Variants in KDM3B observed in about 807,000 individuals in gnomAD.
KDM3B encodes the protein lysine demethylase 3B, also known as lysine-specific demethylase 3B.
In KDM3B, 10 loss-of-function variants were observed where a neutral mutation model predicts 170.0. That is an observed-to-expected ratio of 0.06 (90% confidence interval 0.04 to 0.10). The LOEUF (loss-of-function observed/expected upper bound fraction) is 0.10. Ranked by LOEUF, KDM3B falls within the 10% of genes least tolerant of loss-of-function variation. The probability of loss-of-function intolerance (pLI) is 1.00; values close to 1 mark genes in which losing one functional copy is unlikely to be tolerated. For missense variants in KDM3B, 1,394 were observed against 2,195.2 expected (o/e 0.64, Z 7.29); for synonymous variants, 831 against 834.8 (o/e 1.00, Z 0.08).
At chr5:138,387,911 C>T (rs1245472339) in intron 7 of KDM3B, among the ~76,000 whole-genome samples, 1 of 152,042 alleles carries the variant, frequency 6.6e-6, no homozygotes, top group Non-Finnish European at 1.5e-5. Flanking sequence ...GAAACCCCAT[C>T]TCTACTAAAA....
At chr5:138,359,037 T>C (rs1172262642) in intron 1 of KDM3B, among the ~76,000 whole-genome samples, 3 of 150,544 alleles carry the variant, frequency 2.0e-5, no homozygotes, top group Non-Finnish European at 3.0e-5. Flanking sequence ...AGTGAGAATA[T>C]GCGGTGTTTG....
At chr5:138,406,981 ATT>A (rs745918786) in intron 11 of KDM3B, among the ~76,000 whole-genome samples, 1,537 of 118,994 alleles carry the variant, frequency 0.013, 5 homozygotes, top group African/African-American at 0.025. Context: ...TATGCCAATA[ATT>A]TTTTTTTTTT....
At chr5:138,406,589 G>A (rs989470103) in intron 11 of KDM3B, among the ~76,000 whole-genome samples, 14 of 152,136 alleles carry the variant, frequency 9.2e-5, no homozygotes, top group African/African-American at 3.1e-4. Context: ...AGTGAGCTGA[G>A]GTCGCGACAT....
intron 6 of KDM3B, among the ~76,000 whole-genome samples, chr5:138,382,292 CA>C (rs112241518): frequency 4.0e-4 from 58 of 143,650 alleles, no homozygotes; most frequent in Admixed American, 5.6e-4. Context: ...TACAAAAATA[CA>C]AAAAAAAAAA....
At chr5:138,399,554 A>T (rs186946438) in intron 10 of KDM3B, among the ~76,000 whole-genome samples, 357 of 151,932 alleles carry the variant, frequency 2.3e-3, no homozygotes, top group African/African-American at 8.1e-3. Context: ...ATATATATAT[A>T]TATTTTTTTA....
chr5:138,380,865 G>C lies in KDM3B; in HGVS notation c.706-651G>C, dbSNP rs191623249. Among the ~76,000 whole-genome samples, 1,151 of 151,286 alleles carry C rather than the reference G, an allele frequency of 7.6e-3. 13 individuals carry two copies. The highest frequency in any genetic ancestry group is 7.7e-3 in the Non-Finnish European group (521 of 67,778). On this transcript the variant is annotated intron_variant, in intron 5 of 23. Coordinates refer to ENST00000314358, the MANE Select transcript of KDM3B (RefSeq NM_016604.4). ...GGCATGATCCACCATGCCCAGCCTGGAGTGATTTTTTTTTTTTTTTCTTTT... is the reference window on the plus strand; with the variant it reads ...GGCATGATCCACCATGCCCAGCCTGCAGTGATTTTTTTTTTTTTTTCTTTT...
At chr5:138,378,874 A>G (rs1762061988) in intron 4 of KDM3B, among the ~76,000 whole-genome samples, 1 of 151,446 alleles carries the variant, frequency 6.6e-6, no homozygotes, top group African/African-American at 2.4e-5. Flanking sequence ...GCTCTGATAG[A>G]GAATAATCTA....
intron 17 of KDM3B, chr5:138,425,895 A>G (rs1763379465): frequency 1.1e-5 from 2 of 187,388 alleles, no homozygotes; most frequent in African/African-American, 2.3e-5. Context: ...AATCCCAGCT[A>G]CTCAGGAGGC....
chr5:138,426,729 A>G lies in KDM3B; in HGVS notation c.4412-246A>G, dbSNP rs138637547. On this transcript the variant is annotated intron_variant, in intron 17 of 23. Coordinates refer to ENST00000314358, the MANE Select transcript of KDM3B (RefSeq NM_016604.4). ...AACATGGCAAAACCCCGTCTCTACT[A>G]AAAATACAAAAATTAGCCAGGCGTG... 3,656 of 398,122 alleles carry G rather than the reference A, an allele frequency of 9.2e-3. 168 individuals are homozygous for G. In the East Asian group the frequency reaches 0.12, roughly 14 times the overall value. The allele number at this position is 398,122 out of a possible 1,614,324, so 24.7% of individuals were successfully genotyped here.
At chr5:138,372,016 G>A (rs959497902) in intron 1 of KDM3B, among the ~76,000 whole-genome samples, 1 of 152,066 alleles carries the variant, frequency 6.6e-6, no homozygotes, top group Admixed American at 6.6e-5. Context: ...GGGAGACTGA[G>A]GCAGGAGGAT....
chr5:138,436,420 C>T lies in KDM3B; in HGVS notation c.*720C>T, dbSNP rs947527425. ...GGCACATTACATTTAGTCTTCCTTT[C>T]GATATAAAACTCTTTGAAGAAATAT... is the stretch of plus-strand genomic sequence containing the variant. On this transcript the variant is annotated 3_prime_UTR_variant, in exon 24 of 24. Transcript: ENST00000314358. 3 of 152,180 alleles carry T rather than the reference C, an allele frequency of 2.0e-5. No individual in the cohort carries two copies. The highest frequency in any genetic ancestry group is 2.9e-5 in the Non-Finnish European group (2 of 68,042). The allele number at this position is 152,180 out of a possible 1,614,324, so 9.4% of individuals were successfully genotyped here.
intron 10 of KDM3B, among the ~76,000 whole-genome samples, chr5:138,398,891 T>C (rs1027970592): frequency 2.7e-5 from 4 of 147,488 alleles, no homozygotes; most frequent in Non-Finnish European, 4.5e-5. Context: ...AAATTTCTTT[T>C]TTTTTTTTTT....
intron 1 of KDM3B, among the ~76,000 whole-genome samples, chr5:138,358,447 C>T (rs1275105688): frequency 4.6e-5 from 7 of 150,750 alleles, no homozygotes; most frequent in Non-Finnish European, 7.4e-5. Context: ...AGATTACAGG[C>T]GTGCACCACC....
intron 7 of KDM3B, among the ~76,000 whole-genome samples, chr5:138,389,142 C>G (rs1194792005): frequency 6.6e-6 from 1 of 152,228 alleles, no homozygotes; most frequent in Non-Finnish European, 1.5e-5. Context: ...CACCTCAGGG[C>G]TGTGTCTGTT....
rs773610490 is a variant in KDM3B at position 138,398,313 on chromosome 5, C to T, written c.2967C>T (p.Tyr989=). ...GGATAGATCTAGAGACCTCAAAATACATCCTGGCCAATGTTGGGGACCAGT... is the reference window on the plus strand; with the variant it reads ...GGATAGATCTAGAGACCTCAAAATATATCCTGGCCAATGTTGGGGACCAGT... ...AEGIDLETSK[Y]ILANVGDQFC... is the part of the protein sequence containing the mutation. The change falls in exon 10 of 24, where the codon TAC becomes TAT. Residue 989 remains tyrosine (Y), a synonymous_variant. Coordinates refer to ENST00000314358, the MANE Select transcript of KDM3B (RefSeq NM_016604.4). 71 of 1,614,068 alleles carry T rather than the reference C, an allele frequency of 4.4e-5. 1 individual carries two copies. In the South Asian group the frequency reaches 7.6e-4, roughly 17 times the overall value.
At chr5:138,354,844 C>T (rs1458325896) in intron 1 of KDM3B, among the ~76,000 whole-genome samples, 1 of 152,192 alleles carries the variant, frequency 6.6e-6, no homozygotes, top group African/African-American at 2.4e-5. Context: ...TACATTTATG[C>T]TTGTCTTACA....
intron 9 of KDM3B, among the ~76,000 whole-genome samples, chr5:138,397,026 C>G (rs1478921951): frequency 6.6e-6 from 1 of 151,990 alleles, no homozygotes; most frequent in African/African-American, 2.4e-5. Context: ...TCTCTACAAA[C>G]AGTTTTAAAA....
chr5:138,418,082 T>TA (rs1454539065), intron 13 of KDM3B: 1 of 148,384 alleles, frequency 6.7e-6, no homozygotes, highest in African/African-American at 2.5e-5. Context: ...TTGGTTTTTT[T>TA]TTTTTTTTTT....
chr5:138,386,455 A>C lies in KDM3B; in HGVS notation c.1214A>C (p.Glu405Ala). The C allele has an allele frequency of 6.2e-7, 1 of 1,614,186 alleles. No homozygotes were observed. Among genetic ancestry groups the C allele is most frequent in the Non-Finnish European group, 8.5e-7 (1 of 1,180,020 alleles). The part of the protein sequence containing the change: ...APEVGGAENK[E>A]AGKTLEQVGQ... ...GAGGTGGGTGGAGCCGAAAACAAAG[A>C]GGCAGGAAAAACACTGGAACAAGTT... The change falls in exon 7 of 24, where the codon GAG (glutamate) becomes GCG (alanine). Residue 405 changes from glutamate (E) to alanine (A), a missense_variant. Physicochemically the swap from Glu to Ala is moderately radical, Grantham distance 107. This residue lies in a region of KDM3B where 205 missense variants were observed against 227.6 expected (regional missense o/e 0.90). Coordinates refer to ENST00000314358, the MANE Select transcript of KDM3B (RefSeq NM_016604.4).
Sources: gnomAD v4.1 joint callset for allele counts (sites outside exome capture counted in the v4.1 genomes callset) on GRCh38, gnomAD v4.1.1 for gene constraint, gnomAD v4.1.1 regional missense constraint, MANE v1.5 for transcripts, NCBI Gene and HGNC (gene_info 2026-07-23, HGNC 2026-07-21) for gene names.